CFAP184: variants seen among roughly 807,000 people sequenced by gnomAD.
The protein encoded by CFAP184 is cilia- and flagella-associated protein 184.
the CFAP184 span, chr4:7,041,269 G>A: frequency 6.3e-7 from 1 of 1,584,396 alleles, no homozygotes; most frequent in Non-Finnish European, 8.6e-7. Context: ...TCATCGATCT[G>A]GTCAAGAAGG....
the CFAP184 span, chr4:7,041,413 C>A: frequency 1.9e-6 from 3 of 1,614,228 alleles, no homozygotes; most frequent in Non-Finnish European, 1.7e-6. Context: ...TTCCAAGTCC[C>A]GAAGAAGTGA....
At chr4:7,042,448 C>A in the CFAP184 span, 2 of 1,611,292 alleles carry the variant, frequency 1.2e-6, no homozygotes, top group Admixed American at 1.7e-5. Flanking sequence ...CCCCTCCACC[C>A]GCTCTGTCTC....
chr4:7,042,507 C>T, the CFAP184 span: 3 of 1,609,010 alleles, frequency 1.9e-6, no homozygotes, highest in African/African-American at 1.3e-5. Context: ...TGGTCAGCGG[C>T]AGAGAGGCCT....
At chr4:7,042,354 C>T in the CFAP184 span, 1 of 1,609,842 alleles carries the variant, frequency 6.2e-7, no homozygotes. Flanking sequence ...TCCCCTCTTC[C>T]TGGCTTTTGG....
At chr4:7,041,723 T>A in the CFAP184 span, 1 of 1,614,072 alleles carries the variant, frequency 6.2e-7, no homozygotes, top group Non-Finnish European at 8.5e-7. Context: ...TCAAAGTCAA[T>A]AAGAAGCAGA....
At chr4:7,041,616 T>G in the CFAP184 span, 1 of 1,614,258 alleles carries the variant, frequency 6.2e-7, no homozygotes, top group South Asian at 1.1e-5. Context: ...GGGTTATTAC[T>G]TGCACACTGT....
chr4:7,042,826 G>C, the CFAP184 span: 9 of 1,570,740 alleles, frequency 5.7e-6, no homozygotes, highest in Non-Finnish European at 6.0e-6. Context: ...CCCGGGTTCG[G>C]GAGAGGTCGG....
chr4:7,041,125 T>G, the CFAP184 span: 1 of 1,287,960 alleles, frequency 7.8e-7, no homozygotes, highest in Non-Finnish European at 1.0e-6. Context: ...CAGCACTGAT[T>G]TGGAAGCTAA....
At chr4:7,041,969 C>G in the CFAP184 span, 1 of 1,612,568 alleles carries the variant, frequency 6.2e-7, no homozygotes, top group South Asian at 1.1e-5. Context: ...CACTCCTTCT[C>G]CACCCTGGTG....
At chr4:7,042,737 C>T in the CFAP184 span, 1 of 1,522,390 alleles carries the variant, frequency 6.6e-7, no homozygotes, top group Non-Finnish European at 8.8e-7. Context: ...TTCGGGGCCT[C>T]GGCCTGCTCG....
At chr4:7,042,345 C>T in the CFAP184 span, 31 of 1,608,052 alleles carry the variant, frequency 1.9e-5, no homozygotes, top group Admixed American at 3.3e-5. Flanking sequence ...AGAGGCGCTT[C>T]CCCTCTTCCT....
At chr4:7,042,210 C>G in the CFAP184 span, 4 of 1,597,886 alleles carry the variant, frequency 2.5e-6, no homozygotes, top group Non-Finnish European at 2.6e-6. Flanking sequence ...GGTTGTAGCG[C>G]TGGGAGCGGT....
the CFAP184 span, chr4:7,041,913 C>T: frequency 2.2e-5 from 36 of 1,612,760 alleles, no homozygotes; most frequent in Non-Finnish European, 2.9e-5. Flanking sequence ...GACAGCTGCC[C>T]ATGGCCTGCA....
chr4:7,042,782 C>T, the CFAP184 span: 2 of 1,437,870 alleles, frequency 1.4e-6, no homozygotes, highest in Non-Finnish European at 1.8e-6. Context: ...GCCGCTTGCT[C>T]CTCCTCCTCC....
At chr4:7,041,567 C>T in the CFAP184 span, 5 of 1,614,248 alleles carry the variant, frequency 3.1e-6, no homozygotes, top group African/African-American at 2.7e-5. Context: ...TTTTTGCACG[C>T]GTTCTCCATG....
chr4:7,042,977 A>G, the CFAP184 span: 5 of 1,396,950 alleles, frequency 3.6e-6, no homozygotes, highest in Middle Eastern at 2.0e-4. Flanking sequence ...CCCCGGCAGG[A>G]CGCTGTTAGG....
the CFAP184 span, chr4:7,041,766 G>C: frequency 6.2e-7 from 1 of 1,613,194 alleles, no homozygotes; most frequent in Non-Finnish European, 8.5e-7. Flanking sequence ...TCCTCATCCT[G>C]GTTTCAAAAT....
At chr4:7,041,984 T>C in the CFAP184 span, 1 of 1,612,436 alleles carries the variant, frequency 6.2e-7, no homozygotes, top group Non-Finnish European at 8.5e-7. Flanking sequence ...CTGGTGAGCT[T>C]CTCCTGGCAC....
the CFAP184 span, chr4:7,041,620 A>G: frequency 1.2e-6 from 2 of 1,614,166 alleles, no homozygotes; most frequent in Non-Finnish European, 1.7e-6. Flanking sequence ...TATTACTTGC[A>G]CACTGTTGGT....
Sources: gnomAD v4.1 joint callset for allele counts on GRCh38, gnomAD v4.1.1 for gene constraint, MANE v1.5 for transcripts, NCBI Gene and HGNC (gene_info 2026-07-23, HGNC 2026-07-21) for gene names.